Variants in CDH11 observed in about 807,000 individuals in gnomAD.
The protein encoded by CDH11 is cadherin 11.
In CDH11, 11 loss-of-function variants were observed where a neutral mutation model predicts 67.8. The observed-to-expected ratio is 0.16, with a 90% confidence interval of 0.10 to 0.27. CDH11 has a LOEUF of 0.27. Ranked by LOEUF, CDH11 falls within the 10% of genes least tolerant of loss-of-function variation. CDH11 has a pLI of 1.00. For missense variants in CDH11, 847 were observed against 1,031.2 expected (o/e 0.82, Z 2.45); for synonymous variants, 419 against 400.0 (o/e 1.05, Z -0.57).
At chr16:65,120,914 G>C (rs942551858) in intron 1 of CDH11, among the ~76,000 whole-genome samples, 4 of 152,154 alleles carry the variant, frequency 2.6e-5, no homozygotes, top group Non-Finnish European at 4.4e-5. Context: ...GGTTGGGGAG[G>C]GGGGAGAAGG....
At chr16:65,064,340 C>T in intron 1 of CDH11, among the ~76,000 whole-genome samples, 1 of 152,252 alleles carries the variant, frequency 6.6e-6, no homozygotes, top group East Asian at 1.9e-4. Context: ...CATAACACCT[C>T]ACATTCCTGT....
intron 1 of CDH11, among the ~76,000 whole-genome samples, chr16:65,095,225 C>A (rs1419163148): frequency 2.6e-5 from 4 of 152,044 alleles, no homozygotes; most frequent in African/African-American, 7.2e-5. Flanking sequence ...GACAGAATTA[C>A]AAGCATTGGT....
intron 7 of CDH11, chr16:64,984,991 T>C (rs1292602267): frequency 6.6e-6 from 1 of 152,028 alleles, no homozygotes; most frequent in Non-Finnish European, 1.5e-5. Context: ...TTTCAAGGAG[T>C]TTATCTGGTT....
chr16:65,064,115 G>T (rs1473746209), intron 1 of CDH11, among the ~76,000 whole-genome samples: 1 of 152,180 alleles, frequency 6.6e-6, no homozygotes, highest in Non-Finnish European at 1.5e-5. Context: ...GCACAGCCAG[G>T]TTTCAGAGTC....
chr16:65,093,734 C>T (rs1401160343), intron 1 of CDH11, among the ~76,000 whole-genome samples: 2 of 152,018 alleles, frequency 1.3e-5, no homozygotes, highest in African/African-American at 4.8e-5. Flanking sequence ...TAGTCCCTAC[C>T]GTCAAAATGC....
chr16:64,947,204 T>C lies in CDH11; in HGVS notation c.*399A>G, dbSNP rs930049656. The C allele has an allele frequency of 1.9e-6, 2 of 1,080,044 alleles. No homozygotes were observed. The highest frequency in any genetic ancestry group is 3.3e-5 in the African/African-American group (2 of 60,534). The allele number at this position is 1,080,044 out of a possible 1,614,324, so 66.9% of individuals were successfully genotyped here. ...AGAGTGTCCAGAGTTTAAGGCGAAA[T>C]TACAGCTCAGAACTGTTGTCCTTTC... On this transcript the variant is annotated 3_prime_UTR_variant, in exon 13 of 13. Transcript: ENST00000268603.
rs989674628 is a variant in CDH11 at position 64,947,103 on chromosome 16, T to C, written c.*500A>G. The C allele has an allele frequency of 2.9e-6, 3 of 1,020,340 alleles. No homozygotes were observed. The highest frequency in any genetic ancestry group is 3.4e-5 in the African/African-American group (2 of 59,224). The allele number at this position is 1,020,340 out of a possible 1,614,324, so 63.2% of individuals were successfully genotyped here. ...GATGCTCAAGAGACATAATTGTACA[T>C]TGTATTGTACATACATTGTATGGGT... On this transcript the variant is annotated 3_prime_UTR_variant, in exon 13 of 13. Transcript: ENST00000268603.
Position 64,947,970 on chromosome 16 carries a change from G to T in CDH11, c.2024C>A (p.Ala675Asp), listed in dbSNP as rs776609272. ...ATTCTGGAGGGTGGCAATATCAAAG[G>T]CTTCTGTGTCTTCTTCCCCACCCCC... Reference protein sequence around the residue: ...DEGGGEEDTEAFDIATLQNPD... With the variant: ...DEGGGEEDTEDFDIATLQNPD... The change falls in exon 13 of 13, where the codon GCC (alanine) becomes GAC (aspartate). Residue 675 changes from alanine to aspartate, a missense_variant. By Grantham distance (126) the Ala-to-Asp change is moderately radical. Around this residue, in one of 2 missense-constraint regions of CDH11, gnomAD observed 612 missense variants for 678.7 expected, o/e 0.90. Transcript: ENST00000268603. 11 of 1,614,116 alleles carry T rather than the reference G, an allele frequency of 6.8e-6. No individual in the cohort carries two copies. The highest frequency in any genetic ancestry group is 8.5e-6 in the Non-Finnish European group (10 of 1,180,010).
Position 64,947,276 on chromosome 16 carries a change from T to C in CDH11, c.*327A>G, listed in dbSNP as rs1346596860. 1.8e-6 allele frequency: 2 copies of C among 1,118,710 alleles called. No individual in the cohort carries two copies. Among genetic ancestry groups the C allele is most frequent in the African/African-American group, 3.2e-5 (2 of 62,426 alleles). 69.3% of individuals were successfully genotyped at this position (1,118,710 alleles called of 1,614,324 possible). On this transcript the variant is annotated 3_prime_UTR_variant, in exon 13 of 13. Transcript: ENST00000268603. ...GACAACTTAAAAAAGAAGAAAGACT[T>C]GGATGTTCATAACACATAAACAATT...
intron 1 of CDH11, among the ~76,000 whole-genome samples, chr16:65,058,681 T>TA: frequency 6.6e-6 from 1 of 152,260 alleles, no homozygotes; most frequent in Non-Finnish European, 1.5e-5. Flanking sequence ...ATTTTTTTTG[T>TA]AAAAAATTGG....
chr16:65,016,586 A>G (rs957705267), intron 2 of CDH11, among the ~76,000 whole-genome samples: 1 of 152,192 alleles, frequency 6.6e-6, no homozygotes, highest in African/African-American at 2.4e-5. Flanking sequence ...TATTGCTCCA[A>G]ATGCATTTCT....
At chr16:65,051,192 T>C (rs1261758164) in intron 2 of CDH11, among the ~76,000 whole-genome samples, 1 of 152,186 alleles carries the variant, frequency 6.6e-6, no homozygotes, top group East Asian at 1.9e-4. Context: ...TTTATTCCCT[T>C]AACAAACATT....
At chr16:65,092,091 C>T (rs1014721784) in intron 1 of CDH11, among the ~76,000 whole-genome samples, 4 of 152,134 alleles carry the variant, frequency 2.6e-5, no homozygotes, top group Non-Finnish European at 4.4e-5. Context: ...AGATGTTGTG[C>T]CTCTTCCCAT....
chr16:64,950,012 A>G (rs1250838201), intron 12 of CDH11, among the ~76,000 whole-genome samples: 2 of 152,130 alleles, frequency 1.3e-5, no homozygotes, highest in African/African-American at 4.8e-5. Context: ...GCAAAAGTGT[A>G]GGTTTGGTGT....
chr16:65,000,719 G>T (rs2072900295), intron 3 of CDH11, among the ~76,000 whole-genome samples: 1 of 152,106 alleles, frequency 6.6e-6, no homozygotes, highest in Non-Finnish European at 1.5e-5. Flanking sequence ...CGAGGCAGGA[G>T]AATCGCTTGA....
chr16:65,095,781 T>A (rs1353540734), intron 1 of CDH11, among the ~76,000 whole-genome samples: 40 of 152,122 alleles, frequency 2.6e-4, no homozygotes, highest in Non-Finnish European at 5.9e-5. Flanking sequence ...AATATCTCCC[T>A]CAAGTTCATA....
At chr16:65,053,142 T>C (rs977938392) in intron 2 of CDH11, among the ~76,000 whole-genome samples, 2 of 152,238 alleles carry the variant, frequency 1.3e-5, no homozygotes, top group African/African-American at 4.8e-5. Context: ...AATTTCTATC[T>C]GGATATTTAG....
intron 1 of CDH11, among the ~76,000 whole-genome samples, chr16:65,096,729 T>C (rs1294118600): frequency 1.3e-5 from 2 of 151,852 alleles, no homozygotes; most frequent in African/African-American, 4.8e-5. Flanking sequence ...GTGTATCCTG[T>C]TGGTTCTGTT....
chr16:64,993,098 C>G (rs927376591), intron 4 of CDH11, 64 bp from the exon 5 acceptor site: 5 of 1,388,252 alleles, frequency 3.6e-6, no homozygotes, highest in South Asian at 1.2e-5. Context: ...TTCTTGTTTA[C>G]AAAGTTTTAT....
Sources: gnomAD v4.1 joint callset for allele counts (sites outside exome capture counted in the v4.1 genomes callset) on GRCh38, gnomAD v4.1.1 for gene constraint, gnomAD v4.1.1 regional missense constraint, MANE v1.5 for transcripts, NCBI Gene and HGNC (gene_info 2026-07-23, HGNC 2026-07-21) for gene names.